CHN1: variants seen among roughly 807,000 people sequenced by gnomAD.
CHN1 encodes chimerin 1, also known as N-chimaerin.
CHN1 carries 37 observed loss-of-function variants against 59.5 expected under a neutral mutation model. The observed-to-expected ratio is 0.62, with a 90% confidence interval of 0.48 to 0.82. The LOEUF (loss-of-function observed/expected upper bound fraction) is 0.82. Ranked by LOEUF, CHN1 falls within the 40% of genes least tolerant of loss-of-function variation. The probability of loss-of-function intolerance (pLI) is 0.00; values close to 1 mark genes in which losing one functional copy is unlikely to be tolerated. For synonymous variants in CHN1, 206 were observed against 200.4 expected (o/e 1.03, Z -0.24); for missense variants, 469 against 571.0 (o/e 0.82, Z 1.82).
intron 6 of CHN1, among the ~76,000 whole-genome samples, chr2:174,871,110 A>T (rs1687391109): frequency 6.6e-6 from 1 of 150,618 alleles, no homozygotes; most frequent in Admixed American, 6.6e-5. Context: ...TCATTACAGC[A>T]TGGGATTCTC....
chr2:174,933,426 T>C (rs1289157724), intron 3 of CHN1, among the ~76,000 whole-genome samples: 1 of 151,278 alleles, frequency 6.6e-6, no homozygotes, highest in Non-Finnish European at 1.5e-5. Context: ...GTGAGAAAAA[T>C]GTATCAAGGA....
intron 7 of CHN1, among the ~76,000 whole-genome samples, chr2:174,832,154 A>G (rs1166340231): frequency 3.3e-5 from 5 of 152,114 alleles, no homozygotes; most frequent in Non-Finnish European, 7.4e-5. Flanking sequence ...TACTGTTAAC[A>G]TATATTACAA....
chr2:174,959,473 C>T (rs1690327751), intron 1 of CHN1, among the ~76,000 whole-genome samples: 1 of 152,188 alleles, frequency 6.6e-6, no homozygotes, highest in African/African-American at 2.4e-5. Context: ...GTGCCTCAAT[C>T]TCTTGATATG....
At chr2:174,959,341 T>G (rs1463765048) in intron 1 of CHN1, among the ~76,000 whole-genome samples, 1 of 151,900 alleles carries the variant, frequency 6.6e-6, no homozygotes, top group Non-Finnish European at 1.5e-5. Flanking sequence ...GTGTGGATCC[T>G]TTTGCTGAGA....
intron 7 of CHN1, among the ~76,000 whole-genome samples, chr2:174,830,079 AAAG>A (rs1685820689): frequency 6.6e-6 from 1 of 152,090 alleles, no homozygotes; most frequent in Non-Finnish European, 1.5e-5. Context: ...TAAAAATACA[AAAG>A]AATAGCCAGG....
At chr2:174,822,904 C>T (rs548883205) in intron 8 of CHN1, among the ~76,000 whole-genome samples, 1 of 152,202 alleles carries the variant, frequency 6.6e-6, no homozygotes, top group Non-Finnish European at 1.5e-5. Flanking sequence ...CAAGTCCACA[C>T]GTGTAGGATT....
At chr2:174,885,323 A>G (rs1687865589) in intron 5 of CHN1, among the ~76,000 whole-genome samples, 9 of 151,734 alleles carry the variant, frequency 5.9e-5, no homozygotes, top group Admixed American at 5.3e-4. Context: ...GAAATTACAT[A>G]TAACTGCCAA....
intron 7 of CHN1, 52 bp downstream of exon 7, chr2:174,846,828 T>C (rs765565238): frequency 3.5e-6 from 5 of 1,418,086 alleles, no homozygotes; most frequent in East Asian, 5.0e-5. Flanking sequence ...TTTAATATTA[T>C]ATATTTCAAG....
At chr2:174,814,346 T>C (rs1574046079) in intron 8 of CHN1, among the ~76,000 whole-genome samples, 1 of 152,258 alleles carries the variant, frequency 6.6e-6, no homozygotes, top group Non-Finnish European at 1.5e-5. Context: ...AATGTCCAAA[T>C]GACTTCAGAA....
intron 10 of CHN1, among the ~76,000 whole-genome samples, chr2:174,810,137 C>T (rs1685025420): frequency 3.9e-5 from 6 of 152,176 alleles, no homozygotes; most frequent in Admixed American, 3.9e-4. Flanking sequence ...TTATTTTGCT[C>T]TGTTTATTCA....
At chr2:174,879,655 T>C (rs779634619) in intron 5 of CHN1, among the ~76,000 whole-genome samples, 4 of 152,186 alleles carry the variant, frequency 2.6e-5, no homozygotes, top group Non-Finnish European at 4.4e-5. Context: ...CTAATATACA[T>C]TATCTGCAAC....
At chr2:174,884,690 C>T (rs1687840411) in intron 5 of CHN1, among the ~76,000 whole-genome samples, 1 of 152,064 alleles carries the variant, frequency 6.6e-6, no homozygotes, top group Non-Finnish European at 1.5e-5. Context: ...ATGGCCAAAC[C>T]CACATTAAGT....
At chr2:174,807,448 G>C (rs1346737118) in intron 11 of CHN1, among the ~76,000 whole-genome samples, 6 of 20,790 alleles carry the variant, frequency 2.9e-4, no homozygotes, top group African/African-American at 1.2e-3. Flanking sequence ...CGGGCTATCT[G>C]TGTGTGTGTG....
chr2:174,899,551 T>C (rs949961063), intron 5 of CHN1, among the ~76,000 whole-genome samples: 1 of 152,210 alleles, frequency 6.6e-6, no homozygotes, highest in Non-Finnish European at 1.5e-5. Context: ...TGGTTACCTT[T>C]TAAATGGCTA....
chr2:174,920,806 A>G (rs1688993675), intron 3 of CHN1, among the ~76,000 whole-genome samples: 1 of 152,170 alleles, frequency 6.6e-6, no homozygotes, highest in South Asian at 2.1e-4. Context: ...GGATGATTCA[A>G]GCACATTGCA....
chr2:174,819,567 T>C (rs1314817593), intron 8 of CHN1, among the ~76,000 whole-genome samples: 1 of 152,230 alleles, frequency 6.6e-6, no homozygotes, highest in East Asian at 1.9e-4. Flanking sequence ...TACATAATAA[T>C]AGATTACTTT....
intron 11 of CHN1, among the ~76,000 whole-genome samples, chr2:174,806,625 G>T (rs75224489): frequency 0.024 from 3,635 of 152,156 alleles, 141 homozygotes; most frequent in African/African-American, 0.082. Flanking sequence ...CATTGCCGCC[G>T]CCCCTAGTGA....
At chr2:174,940,664 T>C (rs781582369) in intron 3 of CHN1, among the ~76,000 whole-genome samples, 12 of 152,174 alleles carry the variant, frequency 7.9e-5, no homozygotes, top group South Asian at 2.1e-4. Flanking sequence ...AAAAATATTA[T>C]ACAGGTGATA....
chr2:174,933,928 C>A (rs1219244100), intron 3 of CHN1, among the ~76,000 whole-genome samples: 1 of 152,102 alleles, frequency 6.6e-6, no homozygotes, highest in African/African-American at 2.4e-5. Context: ...TGGAAGTTCT[C>A]TTCTGATGGC....
Sources: gnomAD v4.1 joint callset for allele counts (sites outside exome capture counted in the v4.1 genomes callset) on GRCh38, gnomAD v4.1.1 for gene constraint, MANE v1.5 for transcripts, NCBI Gene and HGNC (gene_info 2026-07-23, HGNC 2026-07-21) for gene names.